The following ACACB variants were observed in gnomAD, a reference collection of about 807,000 sequenced individuals.
The protein encoded by ACACB is acetyl-CoA carboxylase beta, also known as acetyl-CoA carboxylase 2.
In ACACB, 209 loss-of-function variants were observed where a neutral mutation model predicts 278.8. The ratio of observed to expected loss-of-function variants is 0.75; its 90% CI spans 0.67 to 0.84. The LOEUF is 0.84. Among genes scored for constraint, ACACB ranks in the 40% least tolerant of loss-of-function variants. The pLI is 0.00. For missense variants in ACACB, 2,850 were observed against 3,269.0 expected, an observed-to-expected ratio of 0.87 and a Z score of 3.13; for synonymous variants, 1,174 against 1,285.6, an observed-to-expected ratio of 0.91 and a Z score of 1.86.
At chr12:109,120,543 ATGTGTGTATGCATGCATGTG>A (rs541466261) in intron 1 of ACACB, among the ~76,000 whole-genome samples, 61 of 152,124 alleles carry the variant, frequency 4.0e-4, no homozygotes, top group South Asian at 3.7e-3. Context: ...GTGTGTGTGC[ATGTGTGTATGCATGCATGTG>A]TGTGTGTATG....
intron 2 of ACACB, among the ~76,000 whole-genome samples, chr12:109,143,300 A>G (rs1173989972): frequency 2.0e-5 from 3 of 151,832 alleles, no homozygotes; most frequent in Non-Finnish European, 4.4e-5. Flanking sequence ...CATCTCTACA[A>G]AAAAATATAA....
intron 24 of ACACB, among the ~76,000 whole-genome samples, chr12:109,217,221 G>T (rs2046028691): frequency 6.6e-6 from 1 of 152,238 alleles, no homozygotes; most frequent in South Asian, 2.1e-4. Flanking sequence ...GGCAGAGGTT[G>T]CAGTGAGCCG....
At chr12:109,143,404 A>G (rs1373627585) in intron 2 of ACACB, among the ~76,000 whole-genome samples, 3 of 145,690 alleles carry the variant, frequency 2.1e-5, no homozygotes, top group South Asian at 2.2e-4. Context: ...CAGAGGTTGC[A>G]GTGAGCTGAG....
chr12:109,172,441 C>A, intron 6 of ACACB, 85 bp downstream of exon 6: 2 of 1,302,520 alleles, frequency 1.5e-6, no homozygotes, highest in Non-Finnish European at 2.2e-6. Context: ...TCCTCCTGTC[C>A]TGTAAAGCGG....
chr12:109,215,038 G>C (rs1311065711), intron 22 of ACACB, among the ~76,000 whole-genome samples: 1 of 151,788 alleles, frequency 6.6e-6, no homozygotes, highest in African/African-American at 2.4e-5. Flanking sequence ...AGAGATTACA[G>C]TGAGCTGTGA....
intron 16 of ACACB, among the ~76,000 whole-genome samples, chr12:109,194,874 A>G (rs1434565193): frequency 6.6e-6 from 1 of 152,100 alleles, no homozygotes; most frequent in Non-Finnish European, 1.5e-5. Context: ...CTGAGACAGA[A>G]TAGTGGGCCC....
intron 19 of ACACB, among the ~76,000 whole-genome samples, chr12:109,205,291 C>T (rs1244554169): frequency 6.6e-6 from 1 of 152,182 alleles, no homozygotes; most frequent in Non-Finnish European, 1.5e-5. Context: ...AGGGCCTGCC[C>T]ACCCATTCCC....
At position 109,233,902 on chromosome 12, in the gene ACACB, G is replaced by C. The variant is rs114221695; in HGVS notation, c.4240-36G>C. 1,716 of 1,613,450 alleles carry C rather than the reference G, an allele frequency of 1.1e-3. 15 individuals are homozygous for C. The African/African-American group carries it at 0.02, about 19-fold the overall frequency. ...GGGAGCAGGTGGGCCGTGGCCCCCAGGCTTTCCAGCCCTACCCCTTGCTTC... is the reference window on the plus strand; with the variant it reads ...GGGAGCAGGTGGGCCGTGGCCCCCACGCTTTCCAGCCCTACCCCTTGCTTC... On this transcript the variant is annotated intron_variant, in intron 30 of 52. Coordinates refer to ENST00000338432, the MANE Select transcript of ACACB (RefSeq NM_001093.4).
At chr12:109,210,440 T>TGTGTATATATGTATATACACGCACAC (rs2045786048) in intron 21 of ACACB, among the ~76,000 whole-genome samples, 3 of 115,168 alleles carry the variant, frequency 2.6e-5, no homozygotes, top group Non-Finnish European at 5.3e-5. Flanking sequence ...TACACGCACA[T>TGTGTATATATGTATATACACGCACAC]ACATGTGTAT....
chr12:109,216,635 G>C lies in ACACB; in HGVS notation c.3368G>C (p.Arg1123Pro). 1 of 1,614,162 alleles carries C rather than the reference G, an allele frequency of 6.2e-7. No individual in the cohort carries two copies. Among genetic ancestry groups the C allele is most frequent in the Non-Finnish European group, 8.5e-7 (1 of 1,180,030 alleles). The change falls in exon 23 of 53, where the codon CGC becomes CCC. Residue 1123 changes from arginine (R) to proline (P), a missense_variant. By Grantham distance (103) the Arg-to-Pro change is moderately radical. This residue lies in a region of ACACB where 2,265 missense variants were observed against 2,561.3 expected (regional missense o/e 0.88). Coordinates refer to ENST00000338432, the MANE Select transcript of ACACB (RefSeq NM_001093.4). ...QLVQRYRSGIRGYMKTVVLDL... is the reference protein window; with the variant it reads ...QLVQRYRSGIPGYMKTVVLDL... ...CTCCCCAGATACCGCAGCGGGATCC[G>C]CGGCTATATGAAAACAGTGGTGTTG...
At chr12:109,224,811 T>C (rs1409501156) in intron 27 of ACACB, among the ~76,000 whole-genome samples, 1 of 141,674 alleles carries the variant, frequency 7.1e-6, no homozygotes, top group Non-Finnish European at 1.5e-5. Context: ...GCTGCCCTTT[T>C]AGAATCTTTT....
chr12:109,128,880 C>T (rs2042751459), intron 1 of ACACB, among the ~76,000 whole-genome samples: 2 of 151,884 alleles, frequency 1.3e-5, no homozygotes, highest in South Asian at 4.1e-4. Context: ...GCAAACAATC[C>T]TCCCACTTTG....
At chr12:109,189,932 G>A (rs1422985531) in intron 13 of ACACB, among the ~76,000 whole-genome samples, 1 of 152,054 alleles carries the variant, frequency 6.6e-6, no homozygotes, top group Non-Finnish European at 1.5e-5. Flanking sequence ...CCAACATGAC[G>A]AAACCCCGTG....
intron 37 of ACACB, 95 bp from the exon 38 acceptor site, chr12:109,245,531 C>A (rs1593689802): frequency 3.0e-6 from 4 of 1,339,840 alleles, no homozygotes; most frequent in East Asian, 4.8e-5. Context: ...CTACAGAATT[C>A]ACCCTGGAAT....
At chr12:109,118,992 G>T (rs1379272914) in intron 1 of ACACB, among the ~76,000 whole-genome samples, 2 of 152,122 alleles carry the variant, frequency 1.3e-5, no homozygotes, top group Non-Finnish European at 2.9e-5. Flanking sequence ...GAGAATCCAG[G>T]CTGGGCACAG....
Position 109,212,853 on chromosome 12 carries a change from C to T in ACACB, c.3267C>T (p.Asp1089=). The T allele has an allele frequency of 1.2e-6, 2 of 1,614,134 alleles. No homozygotes were observed. The highest frequency in any genetic ancestry group is 1.7e-6 in the Non-Finnish European group (2 of 1,179,966). ...FPSQQIATIL[D]CHAATLQRKA... ...CCATCCAGATAGCCACCATCCTGGA[C>T]TGCCATGCAGCCACCCTGCAGCGGA... is the stretch of plus-strand genomic sequence containing the variant. Residue 1089 remains aspartate, a synonymous_variant, in exon 22 of 53, where the codon GAC becomes GAT. Coordinates refer to ENST00000338432, the MANE Select transcript of ACACB (RefSeq NM_001093.4).
intron 13 of ACACB, among the ~76,000 whole-genome samples, chr12:109,190,377 T>G (rs938026647): frequency 6.6e-6 from 1 of 152,134 alleles, no homozygotes; most frequent in African/African-American, 2.4e-5. Context: ...CGTGAGCCAC[T>G]GCACCTGGCC....
intron 40 of ACACB, chr12:109,248,809 T>C (rs1172793725): frequency 6.6e-6 from 1 of 152,176 alleles, no homozygotes; most frequent in Non-Finnish European, 1.5e-5. Context: ...TGACACTTAA[T>C]ATTAACCATC....
chr12:109,248,316 A>G (rs974730275), intron 40 of ACACB, among the ~76,000 whole-genome samples: 1 of 152,196 alleles, frequency 6.6e-6, no homozygotes, highest in Admixed American at 6.5e-5. Context: ...CTAGTAGGAT[A>G]TATGTATATA....
Sources: allele counts gnomAD v4.1 joint callset (sites outside exome capture counted in the v4.1 genomes callset), GRCh38; gene constraint gnomAD v4.1.1; regional missense constraint gnomAD v4.1.1; transcripts MANE v1.5; gene names NCBI Gene and HGNC (gene_info 2026-07-23, HGNC 2026-07-21).